The following SH3PXD2A variants were observed in gnomAD, a reference collection of about 807,000 sequenced individuals.
The protein encoded by SH3PXD2A is SH3 and PX domain-containing protein 2A.
In SH3PXD2A, 32 loss-of-function variants were observed where a neutral mutation model predicts 115.2. The ratio of observed to expected loss-of-function variants is 0.28; its 90% CI spans 0.21 to 0.37. SH3PXD2A has a LOEUF of 0.37. Among genes scored for constraint, SH3PXD2A ranks in the 10% least tolerant of loss-of-function variants. SH3PXD2A has a pLI of 1.00. For missense variants in SH3PXD2A, 1,328 were observed against 1,498.7 expected (o/e 0.89, Z 1.88); for synonymous variants, 610 against 629.1 (o/e 0.97, Z 0.45).
At position 103,612,862 on chromosome 10, in the gene SH3PXD2A, C is replaced by A; in HGVS notation, c.1249G>T (p.Ala417Ser). Residue 417 changes from alanine (A) to serine (S), a missense_variant, in exon 12 of 15, where the codon GCC becomes TCC. Ala to Ser is a moderately conservative substitution (Grantham distance 99). Transcript: ENST00000369774. ...PAVARIAPQR[A>S]QISSPNLRTR... ...TCAGCGAGGCTCTTACTGATCTGGG[C>A]CCGCTGAGGGGCAATCCTGGCCACA... 1 of 1,560,322 alleles carries A rather than the reference C, an allele frequency of 6.4e-7. No homozygotes were observed. The highest frequency in any genetic ancestry group is 1.4e-5 in the African/African-American group (1 of 73,084).
chr10:103,603,365 G>A lies in SH3PXD2A; in HGVS notation c.1853C>T (p.Thr618Ile). The A allele has an allele frequency of 6.2e-7, 1 of 1,614,130 alleles. No homozygotes were observed. The stretch of plus-strand genomic sequence containing the variant: ...CCGGAAGCCCTCATTCTCATAGATG[G>A]TCTCCTCTTCCAGGGCCACATCCTC... ...SSEDVALEEE[T>I]IYENEGFRPY... is the part of the protein sequence containing the mutation. Residue 618 changes from threonine (T) to isoleucine (I), a missense_variant, in exon 15 of 15, where the codon ACC becomes ATC. By Grantham distance (89) the Thr-to-Ile change is moderately conservative. Transcript: ENST00000369774.
chr10:103,834,428 T>C (rs1001487689), intron 1 of SH3PXD2A, among the ~76,000 whole-genome samples: 1 of 152,176 alleles, frequency 6.6e-6, no homozygotes, highest in African/African-American at 2.4e-5. Context: ...CCTAGGGTGG[T>C]GGTCACAGGT....
intron 4 of SH3PXD2A, among the ~76,000 whole-genome samples, chr10:103,733,611 T>C (rs1180715192): frequency 6.6e-6 from 1 of 152,230 alleles, no homozygotes; most frequent in Non-Finnish European, 1.5e-5. Context: ...GGGGCATCCT[T>C]TTAAAATAAG....
chr10:103,616,758 T>C (rs892567764), intron 11 of SH3PXD2A, among the ~76,000 whole-genome samples: 4 of 133,990 alleles, frequency 3.0e-5, no homozygotes, highest in Non-Finnish European at 4.7e-5. Flanking sequence ...CCCACCTCCC[T>C]GAGTACTGAG....
At chr10:103,691,164 A>G (rs1045945358) in intron 6 of SH3PXD2A, among the ~76,000 whole-genome samples, 1 of 152,190 alleles carries the variant, frequency 6.6e-6, no homozygotes, top group Non-Finnish European at 1.5e-5. Flanking sequence ...GCCCAAGGTC[A>G]CATAGGGAGA....
intron 3 of SH3PXD2A, among the ~76,000 whole-genome samples, chr10:103,762,402 G>A (rs892375648): frequency 6.6e-6 from 1 of 152,188 alleles, no homozygotes; most frequent in African/African-American, 2.4e-5. Flanking sequence ...TTGTCTCAAA[G>A]GAAGGCTGCA....
At chr10:103,767,278 T>A in intron 2 of SH3PXD2A, 109 bp from the exon 3 acceptor site, 1 of 772,730 alleles carries the variant, frequency 1.3e-6, no homozygotes, top group Non-Finnish European at 2.3e-6. Context: ...CTCACACGGA[T>A]GAGTGACGCC....
chr10:103,781,898 G>T lies in SH3PXD2A; in HGVS notation c.154-14729C>A, dbSNP rs538749358. On this transcript the variant is annotated intron_variant, in intron 2 of 14. Transcript: ENST00000369774. Reference sequence around the variant, plus strand: ...CAGAGACACAAAGCTGAATTGCAGGGAGGAGCCTCCTCCTTGCCACAGGGA... The same window carrying T: ...CAGAGACACAAAGCTGAATTGCAGGTAGGAGCCTCCTCCTTGCCACAGGGA... Among the ~76,000 whole-genome samples, 46 of 152,294 alleles carry T rather than the reference G, an allele frequency of 3.0e-4. No homozygotes were observed. The South Asian group carries it at 9.3e-3, about 31-fold the overall frequency.
chr10:103,647,317 A>G (rs2037050705), intron 8 of SH3PXD2A, among the ~76,000 whole-genome samples: 1 of 152,140 alleles, frequency 6.6e-6, no homozygotes, highest in East Asian at 1.9e-4. Flanking sequence ...CAACCTGGCT[A>G]TGATTCCACC....
intron 2 of SH3PXD2A, among the ~76,000 whole-genome samples, chr10:103,790,224 G>C (rs573648610): frequency 2.4e-4 from 36 of 151,302 alleles, no homozygotes; most frequent in Non-Finnish European, 4.4e-4. Context: ...GTGCGATCTC[G>C]GCTCACTGCA....
At chr10:103,757,882 GGCCTGGGCTGCA>G (rs1348500333) in intron 3 of SH3PXD2A, among the ~76,000 whole-genome samples, 4 of 152,138 alleles carry the variant, frequency 2.6e-5, no homozygotes, top group African/African-American at 7.2e-5. Context: ...CCTGGGCTGC[GGCCTGGGCTGCA>G]GTGGGAAGAG....
At chr10:103,806,284 C>A (rs777893270) in intron 1 of SH3PXD2A, among the ~76,000 whole-genome samples, 1 of 152,006 alleles carries the variant, frequency 6.6e-6, no homozygotes, top group Non-Finnish European at 1.5e-5. Context: ...CCCAGAGATA[C>A]GAGGACAATC....
At chr10:103,662,161 T>G (rs2134057408) in intron 7 of SH3PXD2A, among the ~76,000 whole-genome samples, 1 of 152,126 alleles carries the variant, frequency 6.6e-6, no homozygotes, top group South Asian at 2.1e-4. Flanking sequence ...GGAGGGCAGG[T>G]GGACTCCCAG....
At position 103,815,689 on chromosome 10, in the gene SH3PXD2A, GA is replaced by G. The variant is rs757719863; in HGVS notation, c.73-14328del. Among the ~76,000 whole-genome samples the G allele has an allele frequency of 1.1e-3, 171 of 151,622 alleles. 5 individuals are homozygous for G. Among genetic ancestry groups the G allele is most frequent in the Middle Eastern group, 6.8e-3 (2 of 292 alleles). ...GCGGATCACGGAGTCAGGAGTTCGA[GA>G]CCAGCCTGACCAACATGGTGAAACC... On this transcript the variant is annotated intron_variant, in intron 1 of 14. Transcript: ENST00000369774.
At chr10:103,849,441 T>C (rs2134328713) in intron 1 of SH3PXD2A, among the ~76,000 whole-genome samples, 1 of 152,370 alleles carries the variant, frequency 6.6e-6, no homozygotes, top group East Asian at 1.9e-4. Flanking sequence ...CCCCTTCTTA[T>C]GGGGTCTGGA....
At chr10:103,663,212 C>T (rs1471073957) in intron 7 of SH3PXD2A, among the ~76,000 whole-genome samples, 1 of 152,214 alleles carries the variant, frequency 6.6e-6, no homozygotes, top group African/African-American at 2.4e-5. Flanking sequence ...CCCTTGGTGC[C>T]TCAGCCTATA....
At chr10:103,765,591 T>C (rs2038745780) in intron 3 of SH3PXD2A, among the ~76,000 whole-genome samples, 1 of 152,128 alleles carries the variant, frequency 6.6e-6, no homozygotes, top group African/African-American at 2.4e-5. Flanking sequence ...TTCTCTGGAG[T>C]GCTAGCTGAG....
chr10:103,699,633 CT>C (rs2037867886), intron 5 of SH3PXD2A, among the ~76,000 whole-genome samples: 2 of 152,178 alleles, frequency 1.3e-5, no homozygotes, highest in South Asian at 4.1e-4. Flanking sequence ...CCCTTAGCCC[CT>C]AGCTGGGTTT....
In SH3PXD2A at chr10:103,627,877, C is replaced by A. The variant is rs527404056; in HGVS notation, c.605-675G>T. 1.3e-5 allele frequency among the ~76,000 whole-genome samples: 2 copies of A among 152,358 alleles called. No homozygotes were observed. Among genetic ancestry groups the A allele is most frequent in the South Asian group, 2.1e-4 (1 of 4,826 alleles). ...TCCACTAACTGCCTTTGGTCCCTTC[C>A]GAGAAGGTCCTCTTCACACGGTCCT... On this transcript the variant is annotated intron_variant, in intron 8 of 14. Transcript: ENST00000369774. The surrounding 1 kb of genome is among the most constrained non-coding windows in gnomAD (Gnocchi z 4.4).
Sources: allele counts gnomAD v4.1 joint callset (sites outside exome capture counted in the v4.1 genomes callset), GRCh38; gene constraint gnomAD v4.1.1; non-coding constraint Gnocchi (gnomAD v3.1); transcripts MANE v1.5; gene names NCBI Gene and HGNC (gene_info 2026-07-23, HGNC 2026-07-21).